The following CCDC178 variants were observed in gnomAD, a reference collection of about 807,000 sequenced individuals.
The protein encoded by CCDC178 is coiled-coil domain containing 178, also known as coiled-coil domain-containing protein 178.
CCDC178 carries 126 observed loss-of-function variants against 117.4 expected under a neutral mutation model. That is an observed-to-expected ratio of 1.07 (90% CI 0.93 to 1.24). The LOEUF (loss-of-function observed/expected upper bound fraction) is 1.24, where lower values mean the gene tolerates loss of function less well. Among genes scored for constraint, CCDC178 ranks in the 50% most tolerant of loss-of-function variants. The pLI is 0.00. For missense variants in CCDC178, 1,030 were observed against 986.9 expected, an observed-to-expected ratio of 1.04 and a Z score of -0.59; for synonymous variants, 283 against 313.4, an observed-to-expected ratio of 0.90 and a Z score of 1.02.
At chr18:32,969,505 C>T (rs1185518902) in intron 22 of CCDC178, among the ~76,000 whole-genome samples, 3 of 152,034 alleles carry the variant, frequency 2.0e-5, no homozygotes, top group Admixed American at 6.6e-5. Context: ...CCAGTGTTGG[C>T]TTCTAGAGCT....
chr18:33,184,285 C>T (rs960425421), intron 20 of CCDC178, among the ~76,000 whole-genome samples: 2 of 151,864 alleles, frequency 1.3e-5, no homozygotes, highest in East Asian at 1.9e-4. Context: ...GTATTTACTT[C>T]GGAATGCCAT....
intron 19 of CCDC178, among the ~76,000 whole-genome samples, chr18:33,214,723 GT>G (rs2059145500): frequency 6.6e-6 from 1 of 151,884 alleles, no homozygotes; most frequent in East Asian, 1.9e-4. Flanking sequence ...TTGAAAATAA[GT>G]TTTACTCTAT....
At chr18:33,353,630 A>G (rs2063009724) in intron 7 of CCDC178, among the ~76,000 whole-genome samples, 1 of 152,070 alleles carries the variant, frequency 6.6e-6, no homozygotes, top group African/African-American at 2.4e-5. Flanking sequence ...ATTAAAATCA[A>G]TGTAGCTTCA....
chr18:33,123,251 C>A (rs536164678), intron 20 of CCDC178, among the ~76,000 whole-genome samples: 116 of 152,148 alleles, frequency 7.6e-4, no homozygotes, highest in African/African-American at 2.6e-3. Context: ...TTCATTCTTA[C>A]AACAATCCTG....
chr18:33,150,730 A>G (rs2058331163), intron 20 of CCDC178, among the ~76,000 whole-genome samples: 1 of 152,160 alleles, frequency 6.6e-6, no homozygotes, highest in African/African-American at 2.4e-5. Flanking sequence ...AGTATGGAGA[A>G]GCTTTAAGGA....
chr18:33,108,492 T>C (rs1461961495), intron 20 of CCDC178, among the ~76,000 whole-genome samples: 2 of 151,638 alleles, frequency 1.3e-5, no homozygotes, highest in Non-Finnish European at 3.0e-5. Flanking sequence ...TGATATGGTA[T>C]AGAGTAGACT....
At chr18:33,031,043 A>T (rs560509298) in intron 21 of CCDC178, among the ~76,000 whole-genome samples, 2 of 152,202 alleles carry the variant, frequency 1.3e-5, no homozygotes, top group African/African-American at 4.8e-5. Flanking sequence ...AAAACCTGGA[A>T]ATCCTGAAAT....
rs757037955 is a variant in CCDC178 at position 33,179,059 on chromosome 18, T to TAAAAAAAAA, written c.2238+32828_2238+32836dup. Among the ~76,000 whole-genome samples, 5 of 14,772 alleles carry TAAAAAAAAA rather than the reference T, an allele frequency of 3.4e-4. 1 individual carries two copies. The highest frequency in any genetic ancestry group is 1.3e-3 in the African/African-American group (3 of 2,388). The allele number at this position is 14,772 out of a possible 152,430, so 9.7% of individuals were successfully genotyped here. A position where few individuals can be genotyped will look rare whatever the true frequency, so the allele number is the denominator to read the frequency against. On this transcript the variant is annotated intron_variant, in intron 20 of 22. Coordinates refer to ENST00000383096, the MANE Select transcript of CCDC178 (RefSeq NM_001105528.4). ...CTTGATGGACTACTAAAGCACTCAGTAAAAAAAAAAAAAAAAAAAATATAT... is the reference window on the plus strand; with the variant it reads ...CTTGATGGACTACTAAAGCACTCAGTAAAAAAAAAAAAAAAAAAAAAAAAAAAAATATAT...
chr18:32,959,800 A>T (rs1464942520), intron 22 of CCDC178, among the ~76,000 whole-genome samples: 1 of 149,552 alleles, frequency 6.7e-6, no homozygotes, highest in African/African-American at 2.5e-5. Flanking sequence ...TCTTTGAAAA[A>T]CTCCTCTCCC....
chr18:33,102,524 C>T (rs1185867948), intron 20 of CCDC178, among the ~76,000 whole-genome samples: 3 of 151,020 alleles, frequency 2.0e-5, no homozygotes, highest in Non-Finnish European at 4.4e-5. Context: ...ATGAGAAGTT[C>T]AGCAAATAAT....
chr18:32,961,270 A>T (rs1419361293), intron 22 of CCDC178, among the ~76,000 whole-genome samples: 3 of 152,020 alleles, frequency 2.0e-5, no homozygotes, highest in African/African-American at 7.2e-5. Context: ...TATATTTTCA[A>T]CTTTTATTAG....
chr18:33,331,599 C>T (rs557036812), intron 10 of CCDC178, among the ~76,000 whole-genome samples: 2 of 152,210 alleles, frequency 1.3e-5, no homozygotes, highest in African/African-American at 4.8e-5. Context: ...CCAATAACTC[C>T]TACCTACATC....
intron 12 of CCDC178, among the ~76,000 whole-genome samples, chr18:33,275,327 A>G (rs1319304983): frequency 6.6e-6 from 1 of 151,990 alleles, no homozygotes; most frequent in East Asian, 1.9e-4. Flanking sequence ...AAACATACTT[A>G]GTTCTAATCC....
At chr18:33,084,137 G>GTTACAC (rs146835137) in intron 21 of CCDC178, among the ~76,000 whole-genome samples, 21,548 of 151,926 alleles carry the variant, frequency 0.14, 2,338 homozygotes, top group African/African-American at 0.31. Context: ...GTTACAACAT[G>GTTACAC]TTCTTGTAGC....
chr18:33,161,149 C>T (rs2058457547), intron 20 of CCDC178, among the ~76,000 whole-genome samples: 1 of 151,964 alleles, frequency 6.6e-6, no homozygotes, highest in African/African-American at 2.4e-5. Context: ...TAGAGAGCAA[C>T]AAGAAGAATG....
chr18:33,103,061 T>C (rs983131673), intron 20 of CCDC178, among the ~76,000 whole-genome samples: 4 of 151,816 alleles, frequency 2.6e-5, no homozygotes, highest in African/African-American at 9.7e-5. Flanking sequence ...TATCGTGCTG[T>C]ATTAGTCCAT....
chr18:33,368,824 T>A (rs566101554), intron 6 of CCDC178, among the ~76,000 whole-genome samples: 2 of 152,128 alleles, frequency 1.3e-5, no homozygotes, highest in South Asian at 4.1e-4. Context: ...ATTAGTTTTT[T>A]AATCAATGGT....
chr18:32,983,255 T>G, intron 21 of CCDC178: 1 of 1,323,220 alleles, frequency 7.6e-7, no homozygotes, highest in Middle Eastern at 1.8e-4. Flanking sequence ...TGCACGTGTA[T>G]GCATGGATTA....
At chr18:33,164,896 C>A (rs1402901296) in intron 20 of CCDC178, among the ~76,000 whole-genome samples, 1 of 152,106 alleles carries the variant, frequency 6.6e-6, no homozygotes, top group South Asian at 2.1e-4. Flanking sequence ...ATCAATAAAC[C>A]TTTTATACCT....
Sources: allele counts gnomAD v4.1 joint callset (sites outside exome capture counted in the v4.1 genomes callset), GRCh38; gene constraint gnomAD v4.1.1; transcripts MANE v1.5; gene names NCBI Gene and HGNC (gene_info 2026-07-23, HGNC 2026-07-21).